Variants in PARP9 observed in about 807,000 individuals in gnomAD.
PARP9 encodes the protein protein mono-ADP-ribosyltransferase PARP9.
A neutral mutation model predicts 68.8 loss-of-function variants in PARP9; 48 were observed. That is an observed-to-expected ratio of 0.70 (90% CI 0.55 to 0.89). The LOEUF is 0.89. Among genes scored for constraint, PARP9 ranks in the 40% least tolerant of loss-of-function variants. The probability of loss-of-function intolerance (pLI) is 0.00; values close to 1 mark genes in which losing one functional copy is unlikely to be tolerated. For synonymous variants in PARP9, 309 were observed against 333.8 expected (o/e 0.93, Z 0.81); for missense variants, 806 against 969.3 (o/e 0.83, Z 2.24).
intron 3 of PARP9, 46 bp from the exon 4 acceptor site, chr3:122,556,167 A>C: frequency 8.8e-7 from 1 of 1,133,580 alleles, no homozygotes; most frequent in African/African-American, 1.7e-5. Flanking sequence ...AAAAAAAAAA[A>C]AAAAAAGCAC....
At chr3:122,535,422 G>A (rs1172037428) in intron 10 of PARP9, 1 of 985,210 alleles carries the variant, frequency 1.0e-6, no homozygotes, top group Non-Finnish European at 1.2e-6. Flanking sequence ...TACATATGTT[G>A]AAAGATAAAG....
In PARP9 at chr3:122,540,665, A is replaced by G. The variant is rs745740746; in HGVS notation, c.1572T>C (p.His524=). ...NHILYLGRKE[H]DILSQLQKTS... ...TTTTCTGAAGCTGAGACAAAATGTC[A>G]TGTTCCTTTCTCCCAAGGTACAGAA... The change falls in exon 8 of 11, where the codon CAT becomes CAC. Residue 524 remains histidine, a synonymous_variant. Transcript: ENST00000682323. 3.7e-6 allele frequency: 6 copies of G among 1,614,028 alleles called. No homozygotes were observed. In the Admixed American group the frequency reaches 6.7e-5, roughly 18 times the overall value.
At chr3:122,561,633 C>T (rs1018715203) in intron 1 of PARP9, among the ~76,000 whole-genome samples, 2 of 152,200 alleles carry the variant, frequency 1.3e-5, no homozygotes, top group Non-Finnish European at 2.9e-5. Context: ...TTACCCTTCA[C>T]TTTGCCTTTA....
chr3:122,550,290 G>A (rs2079095256), intron 6 of PARP9, among the ~76,000 whole-genome samples: 1 of 152,246 alleles, frequency 6.6e-6, no homozygotes, highest in East Asian at 1.9e-4. Flanking sequence ...TGTTGGTCAG[G>A]TTGGTCTAGA....
chr3:122,564,719 A>G, upstream of PARP9: 1 of 1,371,490 alleles, frequency 7.3e-7, no homozygotes, highest in Non-Finnish European at 9.8e-7. Flanking sequence ...GGGAGAAAGT[A>G]TGTCACTGTG....
In PARP9 at chr3:122,530,751, G is replaced by A. The variant is rs552034490; in HGVS notation, c.2081-2008C>T. ...AAGAGCAGAACTAAACAACAGAAAC[G>A]TACTATGAGTCACACATGTCGTTTA... is the stretch of plus-strand genomic sequence containing the variant. On this transcript the variant is annotated intron_variant, in intron 10 of 10. Transcript: ENST00000682323. 7.9e-5 allele frequency among the ~76,000 whole-genome samples: 12 copies of A among 152,082 alleles called. No individual in the cohort carries two copies. In the South Asian group the frequency reaches 2.5e-3, roughly 32 times the overall value.
chr3:122,549,134 C>T (rs1238211869), intron 6 of PARP9, among the ~76,000 whole-genome samples: 1 of 152,070 alleles, frequency 6.6e-6, no homozygotes, highest in African/African-American at 2.4e-5. Flanking sequence ...CCTGCCTCAG[C>T]CTCCCGAGTA....
intron 4 of PARP9, among the ~76,000 whole-genome samples, chr3:122,553,757 GA>G (rs936674406): frequency 3.1e-4 from 47 of 151,158 alleles, no homozygotes; most frequent in African/African-American, 1.0e-3. Flanking sequence ...TGATCCAGAA[GA>G]AAAAAAAAGA....
At chr3:122,539,507 A>ATTTCTTTCTCTCTTTCTTTCTTTC (rs2077942004) in intron 8 of PARP9, among the ~76,000 whole-genome samples, 7 of 133,162 alleles carry the variant, frequency 5.3e-5, no homozygotes, top group African/African-American at 2.1e-4. Flanking sequence ...CCAAGATGGC[A>ATTTCTTTCTCTCTTTCTTTCTTTC]TTTCTTTCTT....
At chr3:122,558,495 A>G in intron 2 of PARP9, 28 bp from the exon 3 acceptor site, 2 of 1,612,410 alleles carry the variant, frequency 1.2e-6, no homozygotes, top group South Asian at 2.2e-5. Flanking sequence ...GGCTTTCTTA[A>G]AAAATGGAAG....
At chr3:122,536,143 C>T (rs370827278) in intron 10 of PARP9, 25 bp downstream of exon 10, 1 of 1,614,032 alleles carries the variant, frequency 6.2e-7, no homozygotes, top group Non-Finnish European at 8.5e-7. Flanking sequence ...CAGAGTAGCC[C>T]CAATGATGAG....
chr3:122,539,605 G>C (rs1299489893), intron 8 of PARP9, among the ~76,000 whole-genome samples: 1 of 140,808 alleles, frequency 7.1e-6, no homozygotes, highest in East Asian at 2.1e-4. Flanking sequence ...TTGTTGCCCA[G>C]GCTGGAGTGC....
At chr3:122,535,871 G>T in intron 10 of PARP9, 12 of 1,141,974 alleles carry the variant, frequency 1.1e-5, no homozygotes, top group East Asian at 9.6e-5. Flanking sequence ...GCCTCAACGT[G>T]TTCTCTGCGG....
chr3:122,536,365 C>A (rs1370741380), intron 9 of PARP9, 23 bp from the exon 10 acceptor site: 4 of 1,606,810 alleles, frequency 2.5e-6, no homozygotes, highest in Non-Finnish European at 3.4e-6. Flanking sequence ...AAAAGAAAGA[C>A]TGAAAAAGAG....
chr3:122,561,098 CCTT>C (rs1232202959), intron 1 of PARP9, among the ~76,000 whole-genome samples: 1 of 152,194 alleles, frequency 6.6e-6, no homozygotes, highest in African/African-American at 2.4e-5. Context: ...AGTGGACTCT[CCTT>C]CTGTCCACCT....
rs373377110 is a variant in PARP9, at chr3:122,540,897, TG to T, written c.1385-46del. The T allele has an allele frequency of 8.7e-4, 1,059 of 1,222,908 alleles. 5 individuals are homozygous for T. The highest frequency in any genetic ancestry group is 1.1e-3 in the East Asian group (41 of 36,146). The allele number at this position is 1,222,908 out of a possible 1,614,324, so 75.8% of individuals were successfully genotyped here. A position where few individuals can be genotyped will look rare whatever the true frequency, so the allele number is the denominator to read the frequency against. ...CAACCATGGAAGACTAGCAGTTTTT[TG>T]TTTTTTTTTTGAGATGGAGTCTCGC... On this transcript the variant is annotated intron_variant, in intron 7 of 10. Coordinates refer to ENST00000682323, the MANE Select transcript of PARP9 (RefSeq NM_001146105.2).
chr3:122,564,667 T>A, upstream of PARP9: 4 of 1,546,908 alleles, frequency 2.6e-6, no homozygotes. Flanking sequence ...GGCCCCCGGG[T>A]TTCCAGGCGG....
intron 9 of PARP9, 154 bp downstream of exon 9, chr3:122,536,780 C>T (rs1456123619): frequency 1.0e-5 from 9 of 866,464 alleles, no homozygotes; most frequent in African/African-American, 1.7e-5. Context: ...CTCGTGCCTG[C>T]CCTGCCCTGC....
intron 6 of PARP9, among the ~76,000 whole-genome samples, chr3:122,548,154 A>G (rs1045997765): frequency 4.6e-5 from 7 of 152,208 alleles, no homozygotes; most frequent in African/African-American, 7.2e-5. Context: ...CAGCCACAGA[A>G]ATCAGCAAAT....
Sources: gnomAD v4.1 joint callset for allele counts (sites outside exome capture counted in the v4.1 genomes callset) on GRCh38, gnomAD v4.1.1 for gene constraint, MANE v1.5 for transcripts, NCBI Gene and HGNC (gene_info 2026-07-23, HGNC 2026-07-21) for gene names.